WNK2: variants seen among roughly 807,000 people sequenced by gnomAD.
WNK2 encodes the protein WNK lysine deficient protein kinase 2.
WNK2 carries 67 observed loss-of-function variants against 192.1 expected under a neutral mutation model. The ratio of observed to expected loss-of-function variants is 0.35; its 90% CI spans 0.29 to 0.43. The LOEUF is 0.43. WNK2 is among the 20% of genes least tolerant of loss of function. The pLI, the probability that WNK2 is intolerant of heterozygous loss-of-function variation, is 1.00. For synonymous variants in WNK2, 1,439 were observed against 1,393.9 expected, an observed-to-expected ratio of 1.03 and a Z score of -0.72; for missense variants, 2,698 against 3,089.7, an observed-to-expected ratio of 0.87 and a Z score of 3.01.
At chr9:93,300,413 T>A (rs1851394331) in intron 26 of WNK2, 1 of 349,938 alleles carries the variant, frequency 2.9e-6, no homozygotes, top group Non-Finnish European at 5.2e-6. Flanking sequence ...GCGGCTGGCC[T>A]GCCTTCCGCC....
chr9:93,232,261 A>C (rs1416495006), intron 4 of WNK2, among the ~76,000 whole-genome samples: 1 of 152,330 alleles, frequency 6.6e-6, no homozygotes, highest in East Asian at 1.9e-4. Context: ...ATCTGGGGCA[A>C]GGTGGCTGCC....
intron 2 of WNK2, among the ~76,000 whole-genome samples, chr9:93,200,556 C>T (rs145266232): frequency 3.9e-5 from 6 of 152,350 alleles, no homozygotes; most frequent in South Asian, 2.1e-4. Flanking sequence ...GCCTGTCAGT[C>T]GCTCTGGTGC....
chr9:93,209,606 A>C (rs1834114628), intron 2 of WNK2, among the ~76,000 whole-genome samples: 1 of 152,170 alleles, frequency 6.6e-6, no homozygotes, highest in Non-Finnish European at 1.5e-5. Context: ...TTGAGGAGAA[A>C]CAGCTTAAAG....
intron 2 of WNK2, among the ~76,000 whole-genome samples, chr9:93,201,085 C>T (rs1046860172): frequency 3.3e-5 from 5 of 152,190 alleles, no homozygotes; most frequent in Admixed American, 1.3e-4. Context: ...AGGACCTAGG[C>T]GTCCCCTCCC....
chr9:93,249,918 T>TTTA (rs1335845404), intron 8 of WNK2, among the ~76,000 whole-genome samples: 9 of 135,860 alleles, frequency 6.6e-5, no homozygotes, highest in Admixed American at 6.5e-4. Flanking sequence ...TTTTTTTTTT[T>TTTA]TTTTTTTTTT....
At chr9:93,207,684 A>G (rs1478896501) in intron 2 of WNK2, among the ~76,000 whole-genome samples, 2 of 152,252 alleles carry the variant, frequency 1.3e-5, no homozygotes, top group East Asian at 1.9e-4. Context: ...AAATAGCCTC[A>G]CTGTCAGTGC....
At chr9:93,198,801 C>A (rs958657187) in intron 2 of WNK2, among the ~76,000 whole-genome samples, 1 of 152,258 alleles carries the variant, frequency 6.6e-6, no homozygotes. Flanking sequence ...ACTCCCTGCC[C>A]AGCTCTGGCC....
chr9:93,229,898 G>A lies in WNK2; in HGVS notation c.854+30G>A, dbSNP rs377570803. The A allele has an allele frequency of 6.2e-7, 1 of 1,605,576 alleles. No homozygotes were observed. The highest frequency in any genetic ancestry group is 1.7e-5 in the Admixed American group (1 of 59,658). On this transcript the variant is annotated intron_variant, in intron 3 of 29. Transcript: ENST00000427277. The surrounding 1 kb of genome is among the most constrained non-coding windows in gnomAD (Gnocchi z 4.9). ...GCTCCGCTTCCTGAGGGCTGGGGCG[G>A]GTCCTGGCATGGGTGCAGGGCTACC... is the stretch of plus-strand genomic sequence containing the variant.
At chr9:93,226,864 T>A (rs886466028) in intron 2 of WNK2, among the ~76,000 whole-genome samples, 4 of 152,206 alleles carry the variant, frequency 2.6e-5, no homozygotes, top group Non-Finnish European at 5.9e-5. Context: ...TTCATTCACC[T>A]GGCCCCAAAT....
intron 1 of WNK2, among the ~76,000 whole-genome samples, 136 bp downstream of exon 1, chr9:93,184,521 C>T (rs1027305725): frequency 6.6e-6 from 1 of 152,070 alleles, no homozygotes; most frequent in Non-Finnish European, 1.5e-5. Context: ...CCACTGCCTT[C>T]CTCCCACCCC....
intron 2 of WNK2, among the ~76,000 whole-genome samples, chr9:93,189,967 G>C (rs1305990962): frequency 6.6e-6 from 1 of 152,194 alleles, no homozygotes; most frequent in African/African-American, 2.4e-5. Flanking sequence ...CACTTACTGG[G>C]GCAAGACAAT....
chr9:93,301,654 C>T (rs1003586914), intron 26 of WNK2, among the ~76,000 whole-genome samples: 6 of 152,178 alleles, frequency 3.9e-5, no homozygotes, highest in African/African-American at 1.4e-4. Flanking sequence ...AGCCGGTTCC[C>T]GGCCCTGCTG....
intron 2 of WNK2, among the ~76,000 whole-genome samples, chr9:93,197,254 A>G (rs1302666191): frequency 1.3e-5 from 2 of 152,108 alleles, no homozygotes; most frequent in Non-Finnish European, 2.9e-5. Context: ...AGGAACGAGG[A>G]TGCTCCCACA....
intron 28 of WNK2, among the ~76,000 whole-genome samples, chr9:93,311,913 C>T (rs1407813889): frequency 2.0e-5 from 3 of 152,136 alleles, no homozygotes; most frequent in East Asian, 1.9e-4. Context: ...AGCCACCGTG[C>T]GCCACCGCGT....
intron 2 of WNK2, among the ~76,000 whole-genome samples, chr9:93,220,113 T>C (rs1178754298): frequency 6.6e-6 from 1 of 152,172 alleles, no homozygotes; most frequent in Admixed American, 6.5e-5. Flanking sequence ...GTCTGCTTGA[T>C]CTGCAGTGGG....
intron 2 of WNK2, among the ~76,000 whole-genome samples, chr9:93,209,765 T>C (rs1282795408): frequency 6.6e-6 from 1 of 152,138 alleles, no homozygotes; most frequent in African/African-American, 2.4e-5. Flanking sequence ...GAGTGCGTGC[T>C]GAAAGTCACC....
At chr9:93,227,072 T>A (rs1167766662) in intron 2 of WNK2, among the ~76,000 whole-genome samples, 1 of 150,698 alleles carries the variant, frequency 6.6e-6, no homozygotes, top group Non-Finnish European at 1.5e-5. Context: ...GTGTGCCAGG[T>A]GGGGCCCACT....
At chr9:93,231,572 G>C (rs1838814391) in intron 4 of WNK2, among the ~76,000 whole-genome samples, 1 of 152,242 alleles carries the variant, frequency 6.6e-6, no homozygotes, top group African/African-American at 2.4e-5. Context: ...TGACGCTGGA[G>C]CTCCCAGTGT....
intron 7 of WNK2, among the ~76,000 whole-genome samples, chr9:93,246,772 A>G (rs1451513134): frequency 6.6e-6 from 1 of 152,110 alleles, no homozygotes; most frequent in Non-Finnish European, 1.5e-5. Context: ...CCTGACCTAG[A>G]GCCTTTAGGA....
Sources: gnomAD v4.1 joint callset for allele counts (sites outside exome capture counted in the v4.1 genomes callset) on GRCh38, gnomAD v4.1.1 for gene constraint, Gnocchi (gnomAD v3.1) non-coding constraint, MANE v1.5 for transcripts, NCBI Gene and HGNC (gene_info 2026-07-23, HGNC 2026-07-21) for gene names.